EIF2B2: variants seen among roughly 807,000 people sequenced by gnomAD.
EIF2B2 encodes the protein eukaryotic translation initiation factor 2B subunit beta, also known as translation initiation factor eIF2B subunit beta.
EIF2B2 carries 34 observed loss-of-function variants against 34.7 expected under a neutral mutation model. That is an observed-to-expected ratio of 0.98 (90% CI 0.75 to 1.31). The LOEUF (loss-of-function observed/expected upper bound fraction) is 1.31. EIF2B2 is among the 50% of genes most tolerant of loss of function. EIF2B2 has a pLI of 0.00. For synonymous variants in EIF2B2, 155 were observed against 171.6 expected (o/e 0.90, Z 0.76); for missense variants, 361 against 447.7 (o/e 0.81, Z 1.75).
Position 75,012,243 on chromosome 14 carries a change from C to T in EIF2B2, c.*3055C>T, listed in dbSNP as rs1276159905. 1.3e-5 allele frequency: 2 copies of T among 151,732 alleles called. No homozygotes were observed. The highest frequency in any genetic ancestry group is 2.9e-5 in the Non-Finnish European group (2 of 67,988). 9.4% of individuals were successfully genotyped at this position (151,732 alleles called of 1,614,324 possible). On this transcript the variant is annotated 3_prime_UTR_variant, in exon 8 of 8. Coordinates refer to ENST00000266126, the MANE Select transcript of EIF2B2 (RefSeq NM_014239.4). ...CCCACCCCTGCCTTGCTGGCGGAAC[C>T]GAGAAACTCGGAAAAAAACAAACAA...
At position 75,006,565 on chromosome 14, in the gene EIF2B2, C is replaced by T; in HGVS notation, c.694-12C>T. On this transcript the variant is annotated splice_polypyrimidine_tract_variant and intron_variant, in intron 5 of 7. Transcript: ENST00000266126. The surrounding 1 kb of genome is among the most constrained non-coding windows in gnomAD (Gnocchi z 4.1). ...CCCCAGGATGGCTCACATTTTTTGT[C>T]TTGTCCCAAAGGTGATCATTGGCAC... 6.2e-7 allele frequency: 1 copy of T among 1,613,592 alleles called. No homozygotes were observed. The highest frequency in any genetic ancestry group is 2.2e-5 in the East Asian group (1 of 44,886).
chr14:75,010,013 A>G lies in EIF2B2; in HGVS notation c.*825A>G, dbSNP rs2139258759. On this transcript the variant is annotated 3_prime_UTR_variant, in exon 8 of 8. Transcript: ENST00000266126. The stretch of plus-strand genomic sequence containing the variant: ...TAGAGCAAGACTCTGTCTCTAAAAA[A>G]ATAACAAGTACAAATGAAAGTATAG... 1 of 152,350 alleles carries G rather than the reference A, an allele frequency of 6.6e-6. No homozygotes were observed. Among genetic ancestry groups the G allele is most frequent in the South Asian group, 2.1e-4 (1 of 4,830 alleles). The allele number at this position is 152,350 out of a possible 1,614,324, so 9.4% of individuals were successfully genotyped here.
chr14:75,009,116 T>A lies in EIF2B2; in HGVS notation c.984T>A (p.Ile328=), dbSNP rs375585987. ...TCATTACCCTCTTTATCTCCAACATTGGTGGGAATGCACCTTCCTACATCT... is the reference window on the plus strand; with the variant it reads ...TCATTACCCTCTTTATCTCCAACATAGGTGGGAATGCACCTTCCTACATCT... ...PELITLFISN[I]GGNAPSYIYR... Residue 328 remains isoleucine, a synonymous_variant, in exon 8 of 8, where the codon ATT becomes ATA. Transcript: ENST00000266126. The A allele has an allele frequency of 6.2e-7, 1 of 1,614,114 alleles. No homozygotes were observed. The highest frequency in any genetic ancestry group is 8.5e-7 in the Non-Finnish European group (1 of 1,180,016).
Position 75,011,185 on chromosome 14 carries a change from ACT to A in EIF2B2, c.*2000_*2001del, listed in dbSNP as rs775918541. 3 of 152,252 alleles carry A rather than the reference ACT, an allele frequency of 2.0e-5. No homozygotes were observed. Among genetic ancestry groups the A allele is most frequent in the Admixed American group, 6.5e-5 (1 of 15,292 alleles). 9.4% of individuals were successfully genotyped at this position (152,252 alleles called of 1,614,324 possible). ...TTTAGCCTGGGCAACAGTGGGTGAG[ACT>A]CTGTCTCACAAAAACAAAACAAAAT... is the stretch of plus-strand genomic sequence containing the variant. On this transcript the variant is annotated 3_prime_UTR_variant, in exon 8 of 8. Coordinates refer to ENST00000266126, the MANE Select transcript of EIF2B2 (RefSeq NM_014239.4).
chr14:75,005,055 C>T (rs1355068189), intron 4 of EIF2B2, 155 bp downstream of exon 4: 12 of 817,274 alleles, frequency 1.5e-5, no homozygotes, highest in Admixed American at 6.2e-5. Flanking sequence ...TCAAGGTGTT[C>T]GTCCTGTGAA....
intron 7 of EIF2B2, 112 bp from the exon 8 acceptor site, chr14:75,008,919 C>A: frequency 7.0e-7 from 1 of 1,427,934 alleles, no homozygotes. Context: ...CCATAGCTTC[C>A]CGTCCTTGGG....
intron 4 of EIF2B2, 54 bp downstream of exon 4, chr14:75,004,954 A>G: frequency 1.3e-6 from 2 of 1,587,544 alleles, no homozygotes; most frequent in Non-Finnish European, 1.7e-6. Flanking sequence ...AAGAAGAAAT[A>G]AACGAGAGAT....
rs764250744 is a variant in EIF2B2 at position 75,006,707 on chromosome 14, C to A, written c.824C>A (p.Ser275Tyr). The change falls in exon 6 of 8, where the codon TCT (serine) becomes TAT (tyrosine). Residue 275 changes from serine (S) to tyrosine (Y), a missense_variant. Coordinates refer to ENST00000266126, the MANE Select transcript of EIF2B2 (RefSeq NM_014239.4). The surrounding 1 kb of genome is among the most constrained non-coding windows in gnomAD (Gnocchi z 4.1). ...GTCTGTGCACCTATGTTCAAACTTT[C>A]TCCACAGGTAAGTGTGTCTGTCTCT... The part of the protein sequence containing the change: ...LIVCAPMFKL[S>Y]PQFPNEEDSF... 2 of 1,614,208 alleles carry A rather than the reference C, an allele frequency of 1.2e-6. No homozygotes were observed. The highest frequency in any genetic ancestry group is 2.2e-5 in the South Asian group (2 of 91,090).
chr14:75,004,728 T>G lies in EIF2B2; in HGVS notation c.434-9T>G. Reference sequence around the variant, plus strand: ...TTTTTTTTTTTTTTTTGCAAAACCGTTCTTACAGAAGGGACAATGGAGAAC... The same window carrying G: ...TTTTTTTTTTTTTTTTGCAAAACCGGTCTTACAGAAGGGACAATGGAGAAC... On this transcript the variant is annotated splice_polypyrimidine_tract_variant and intron_variant, in intron 3 of 7. Coordinates refer to ENST00000266126, the MANE Select transcript of EIF2B2 (RefSeq NM_014239.4). 1.0e-6 allele frequency: 1 copy of G among 983,818 alleles called. No individual in the cohort carries two copies. Among genetic ancestry groups the G allele is most frequent in the South Asian group, 2.1e-5 (1 of 48,630 alleles). 60.9% of individuals were successfully genotyped at this position (983,818 alleles called of 1,614,324 possible). A position where few individuals can be genotyped will look rare whatever the true frequency, so the allele number is the denominator to read the frequency against.
chr14:75,009,459 G>A lies in EIF2B2; in HGVS notation c.*271G>A. 1 of 465,874 alleles carries A rather than the reference G, an allele frequency of 2.1e-6. No homozygotes were observed. Among genetic ancestry groups the A allele is most frequent in the South Asian group, 2.1e-5 (1 of 48,248 alleles). The allele number at this position is 465,874 out of a possible 1,614,324, so 28.9% of individuals were successfully genotyped here. ...TAGTGACCTGGTTGCGTCTGTGTCA[G>A]GAACTTAAACTTTCTGGTTCAGTAG... On this transcript the variant is annotated 3_prime_UTR_variant, in exon 8 of 8. Transcript: ENST00000266126.
rs774585521 is a variant in EIF2B2, at chr14:75,003,053, C to T, written c.63C>T (p.Thr21=). The T allele has an allele frequency of 6.8e-6, 11 of 1,613,946 alleles. No individual in the cohort carries two copies. In the African/African-American group the frequency reaches 1.3e-4, roughly 20 times the overall value. The part of the protein sequence containing the change: ...LSERIESFVE[T]LKRGGGPRSS... ...AGAGGATCGAGAGCTTCGTGGAGACCCTGAAGCGGGGTGGTGGGCCGCGCA... is the reference window on the plus strand; with the variant it reads ...AGAGGATCGAGAGCTTCGTGGAGACTCTGAAGCGGGGTGGTGGGCCGCGCA... The change falls in exon 1 of 8, where the codon ACC becomes ACT. Residue 21 remains threonine (T), a synonymous_variant. Coordinates refer to ENST00000266126, the MANE Select transcript of EIF2B2 (RefSeq NM_014239.4).
In EIF2B2 at chr14:75,006,583, A is replaced by G. The variant is rs758530283; in HGVS notation, c.700A>G (p.Ile234Val). The change falls in exon 6 of 8, where the codon ATT (isoleucine) becomes GTT (valine). Residue 234 changes from isoleucine (I) to valine (V), a missense_variant. Physicochemically the swap from Ile to Val is conservative, Grantham distance 29. Coordinates refer to ENST00000266126, the MANE Select transcript of EIF2B2 (RefSeq NM_014239.4). This position sits in a 1 kb window ranked among gnomAD's most constrained non-coding sequence, Gnocchi z 4.1. ...AVMSRVNKVI[I>V]GTKTILANGA... ...TTTTTGTCTTGTCCCAAAGGTGATCATTGGCACGAAGACCATCCTGGCCAA... is the reference window on the plus strand; with the variant it reads ...TTTTTGTCTTGTCCCAAAGGTGATCGTTGGCACGAAGACCATCCTGGCCAA... 3.1e-6 allele frequency: 5 copies of G among 1,614,052 alleles called. No homozygotes were observed. The Admixed American group carries it at 6.7e-5, about 22-fold the overall frequency.
chr14:75,003,178 C>T, intron 1 of EIF2B2, 25 bp downstream of exon 1: 1 of 1,613,306 alleles, frequency 6.2e-7, no homozygotes, highest in Non-Finnish European at 8.5e-7. Context: ...CCTCCGCCGG[C>T]GAACCTGGCC....
rs748930802 is a variant in EIF2B2, at chr14:75,006,618, G to C, written c.735G>C (p.Leu245=). 3.7e-6 allele frequency: 6 copies of C among 1,614,182 alleles called. No homozygotes were observed. The highest frequency in any genetic ancestry group is 5.1e-6 in the Non-Finnish European group (6 of 1,180,044). Residue 245 remains leucine, a synonymous_variant, in exon 6 of 8, where the codon CTG becomes CTC. Coordinates refer to ENST00000266126, the MANE Select transcript of EIF2B2 (RefSeq NM_014239.4). This position sits in a 1 kb window ranked among gnomAD's most constrained non-coding sequence, Gnocchi z 4.1. The stretch of plus-strand genomic sequence containing the variant: ...AGACCATCCTGGCCAATGGGGCCCT[G>C]AGAGCTGTGACAGGAACTCACACTC... The part of the protein sequence containing the change: ...GTKTILANGA[L]RAVTGTHTLA...
chr14:75,011,776 T>C lies in EIF2B2; in HGVS notation c.*2588T>C, dbSNP rs1373212519. ...CAATTGTCTCCTCCAAAGGCACCAA[T>C]TCTAACAGCAATTCACTTGGGTACA... On this transcript the variant is annotated 3_prime_UTR_variant, in exon 8 of 8. Coordinates refer to ENST00000266126, the MANE Select transcript of EIF2B2 (RefSeq NM_014239.4). 6.6e-6 allele frequency: 1 copy of C among 152,154 alleles called. No homozygotes were observed. Among genetic ancestry groups the C allele is most frequent in the African/African-American group, 2.4e-5 (1 of 41,454 alleles). The allele number at this position is 152,154 out of a possible 1,614,324, so 9.4% of individuals were successfully genotyped here.
Position 75,003,039 on chromosome 14 carries a change from A to G in EIF2B2, c.49A>G (p.Ser17Gly), listed in dbSNP as rs756263862. Residue 17 changes from serine (S) to glycine (G), a missense_variant, in exon 1 of 8, where the codon AGC (serine) becomes GGC (glycine). Coordinates refer to ENST00000266126, the MANE Select transcript of EIF2B2 (RefSeq NM_014239.4). The stretch of plus-strand genomic sequence containing the variant: ...CTCGGAGTTGTCAGAGAGGATCGAG[A>G]GCTTCGTGGAGACCCTGAAGCGGGG... Reference protein sequence around the residue: ...KGSELSERIESFVETLKRGGG... With the variant: ...KGSELSERIEGFVETLKRGGG... 6.2e-7 allele frequency: 1 copy of G among 1,614,052 alleles called. No individual in the cohort carries two copies. Among genetic ancestry groups the G allele is most frequent in the East Asian group, 2.2e-5 (1 of 44,880 alleles).
At chr14:75,007,337 T>G in intron 6 of EIF2B2, 1 of 348,590 alleles carries the variant, frequency 2.9e-6, no homozygotes, top group South Asian at 2.3e-5. Context: ...TCTCTCCCTA[T>G]TTGTCCTTCT....
rs175047 is a variant in EIF2B2, at chr14:75,012,336, C to G, written c.*3148C>G. 0.46 allele frequency: 69,934 copies of G among 151,950 alleles called. 16,603 individuals carry two copies. Among genetic ancestry groups the G allele is most frequent in the Middle Eastern group, 0.54 (159 of 292 alleles). The allele number at this position is 151,950 out of a possible 1,614,324, so 9.4% of individuals were successfully genotyped here. ...ATTCCATGGATGTGAAAGTCTTCCT[C>G]AATATGCTAAATAAACCAAGTTAGA... On this transcript the variant is annotated 3_prime_UTR_variant, in exon 8 of 8. Coordinates refer to ENST00000266126, the MANE Select transcript of EIF2B2 (RefSeq NM_014239.4).
In EIF2B2 at chr14:75,009,233, TGAAGA is replaced by T; in HGVS notation, c.*47_*51del. 6.2e-7 allele frequency: 1 copy of T among 1,610,530 alleles called. No individual in the cohort carries two copies. The highest frequency in any genetic ancestry group is 8.5e-7 in the Non-Finnish European group (1 of 1,177,492). The stretch of plus-strand genomic sequence containing the variant: ...GCAGATTGCTTAGGCAGATACAGAA[TGAAGA>T]GGAGACTTGAGTGTTGCTGCTGAAG... On this transcript the variant is annotated 3_prime_UTR_variant, in exon 8 of 8. Transcript: ENST00000266126.
Sources: gnomAD v4.1 joint callset for allele counts on GRCh38, gnomAD v4.1.1 for gene constraint, Gnocchi (gnomAD v3.1) non-coding constraint, MANE v1.5 for transcripts, NCBI Gene and HGNC (gene_info 2026-07-23, HGNC 2026-07-21) for gene names.